Variants in BMP7 observed in about 807,000 individuals in gnomAD.
The protein encoded by BMP7 is bone morphogenetic protein 7.
BMP7 carries 12 observed loss-of-function variants against 41.2 expected under a neutral mutation model. That is an observed-to-expected ratio of 0.29 (90% CI 0.19 to 0.47). BMP7 has a LOEUF of 0.47. Among genes scored for constraint, BMP7 ranks in the 20% least tolerant of loss-of-function variants. The probability of loss-of-function intolerance (pLI) is 0.99; values close to 1 mark genes in which losing one functional copy is unlikely to be tolerated. For missense variants in BMP7, 467 were observed against 606.0 expected (o/e 0.77, Z 2.41); for synonymous variants, 248 against 250.0 (o/e 0.99, Z 0.07).
intron 2 of BMP7, among the ~76,000 whole-genome samples, chr20:57,219,521 C>T (rs1280921408): frequency 6.6e-6 from 1 of 152,094 alleles, no homozygotes; most frequent in Non-Finnish European, 1.5e-5. Context: ...GTGTCATTGG[C>T]ATCTGGTGGG....
intron 5 of BMP7, 144 bp from the exon 6 acceptor site, chr20:57,173,454 C>A: frequency 1.3e-6 from 1 of 785,384 alleles, no homozygotes; most frequent in Non-Finnish European, 2.2e-6. Flanking sequence ...AGCAGGGGGC[C>A]CAGCAGGGGC....
chr20:57,266,422 C>T lies in BMP7; in HGVS notation c.-300G>A. On this transcript the variant is annotated 5_prime_UTR_variant, in exon 1 of 7. Coordinates refer to ENST00000395863, the MANE Select transcript of BMP7 (RefSeq NM_001719.3). Reference sequence around the variant, plus strand: ...GGCGGGCGCGGGTGGGAGGAGCAGCCAGCAAGCCTAGGAGTCCAGAGAGCC... The same window carrying T: ...GGCGGGCGCGGGTGGGAGGAGCAGCTAGCAAGCCTAGGAGTCCAGAGAGCC... The T allele has an allele frequency of 4.8e-6, 1 of 206,260 alleles. No individual in the cohort carries two copies. Among genetic ancestry groups the T allele is most frequent in the Non-Finnish European group, 9.5e-6 (1 of 104,754 alleles). 12.8% of individuals were successfully genotyped at this position (206,260 alleles called of 1,614,324 possible).
chr20:57,264,249 C>G (rs6099518), intron 1 of BMP7, among the ~76,000 whole-genome samples: 17,297 of 152,174 alleles, frequency 0.11, 2,580 homozygotes, highest in African/African-American at 0.35. Context: ...GCGCTTCCCC[C>G]GCGCCCCCAG....
chr20:57,238,479 C>T (rs1012574640), intron 1 of BMP7, among the ~76,000 whole-genome samples: 5 of 152,064 alleles, frequency 3.3e-5, no homozygotes, highest in African/African-American at 9.7e-5. Context: ...GAAATGAAAT[C>T]GCTGTGTCAC....
At chr20:57,173,455 C>T in intron 5 of BMP7, 145 bp from the exon 6 acceptor site, 1 of 776,230 alleles carries the variant, frequency 1.3e-6, no homozygotes, top group Non-Finnish European at 2.2e-6. Flanking sequence ...GCAGGGGGCC[C>T]AGCAGGGGCA....
At chr20:57,239,962 G>T (rs1487437628) in intron 1 of BMP7, among the ~76,000 whole-genome samples, 1 of 152,172 alleles carries the variant, frequency 6.6e-6, no homozygotes, top group Non-Finnish European at 1.5e-5. Context: ...GATGGGAGGG[G>T]CTGCCATGAA....
chr20:57,173,071 G>A, intron 6 of BMP7, 129 bp downstream of exon 6: 1 of 965,048 alleles, frequency 1.0e-6, no homozygotes. Context: ...GGCGCAAGGG[G>A]CCCCCAAAAG....
chr20:57,261,752 T>A lies in BMP7; in HGVS notation c.418+3953A>T, dbSNP rs957691966. On this transcript the variant is annotated intron_variant, in intron 1 of 6. Transcript: ENST00000395863. The surrounding 1 kb of genome is among the most constrained non-coding windows in gnomAD (Gnocchi z 4.1). Reference sequence around the variant, plus strand: ...TTCCAAATTTTAACACAAGCCAGGTTACAGCTGCAAATGCCTGCAGTCCAC... The same window carrying A: ...TTCCAAATTTTAACACAAGCCAGGTAACAGCTGCAAATGCCTGCAGTCCAC... Among the ~76,000 whole-genome samples the A allele has an allele frequency of 3.3e-5, 5 of 152,198 alleles. No homozygotes were observed. The highest frequency in any genetic ancestry group is 1.2e-4 in the African/African-American group (5 of 41,440).
Position 57,173,190 on chromosome 20 carries a change from T to G in BMP7, c.1146+10A>C. On this transcript the variant is annotated intron_variant, in intron 6 of 6. Transcript: ENST00000395863. ...CAGGTGACCACACCCCAAGATGGCG[T>G]GACACCCACCAGCGTCTGCACGATG... 1 of 1,613,064 alleles carries G rather than the reference T, an allele frequency of 6.2e-7. No individual in the cohort carries two copies. The highest frequency in any genetic ancestry group is 8.5e-7 in the Non-Finnish European group (1 of 1,179,034).
intron 3 of BMP7, among the ~76,000 whole-genome samples, chr20:57,197,314 C>T (rs907997061): frequency 6.6e-6 from 1 of 152,020 alleles, no homozygotes; most frequent in Non-Finnish European, 1.5e-5. Context: ...CTACTGTCTT[C>T]TGAGTGCTTT....
At chr20:57,252,819 G>A (rs1346174704) in intron 1 of BMP7, among the ~76,000 whole-genome samples, 1 of 152,170 alleles carries the variant, frequency 6.6e-6, no homozygotes, top group Non-Finnish European at 1.5e-5. Context: ...CCAAGGTTGA[G>A]GCAAGTTACT....
chr20:57,248,793 G>C (rs1013859759), intron 1 of BMP7, among the ~76,000 whole-genome samples: 2 of 104,456 alleles, frequency 1.9e-5, no homozygotes, highest in African/African-American at 3.2e-5. Context: ...TTTTTGTTTT[G>C]TTTTGTTTTG....
At chr20:57,216,507 AG>A (rs765062217) in intron 2 of BMP7, among the ~76,000 whole-genome samples, 5 of 146,876 alleles carry the variant, frequency 3.4e-5, no homozygotes, top group East Asian at 4.1e-4. Flanking sequence ...CCTGAGGGCG[AG>A]GGGGCTGTCT....
At position 57,174,228 on chromosome 20, in the gene BMP7, C is replaced by A. The variant is rs918335472; in HGVS notation, c.1035+703G>T. Among the ~76,000 whole-genome samples, 1 of 152,104 alleles carries A rather than the reference C, an allele frequency of 6.6e-6. No individual in the cohort carries two copies. On this transcript the variant is annotated intron_variant, in intron 5 of 6. Transcript: ENST00000395863. This position sits in a 1 kb window ranked among gnomAD's most constrained non-coding sequence, Gnocchi z 4.3. The stretch of plus-strand genomic sequence containing the variant: ...TTGCCCTGATGACCTCATGACAATA[C>A]CCTCTCCAGGGATATTTGAGCCCCA...
chr20:57,250,604 C>T (rs1285954121), intron 1 of BMP7, among the ~76,000 whole-genome samples: 4 of 149,148 alleles, frequency 2.7e-5, no homozygotes. Context: ...CACAGAAATG[C>T]CACCCCACTA....
At chr20:57,225,088 G>A (rs1431052077) in intron 2 of BMP7, among the ~76,000 whole-genome samples, 1 of 152,240 alleles carries the variant, frequency 6.6e-6, no homozygotes, top group Non-Finnish European at 1.5e-5. Flanking sequence ...CACATGGCGG[G>A]GACAGCAGGG....
chr20:57,198,456 C>T (rs1003071769), intron 3 of BMP7, among the ~76,000 whole-genome samples: 6 of 152,180 alleles, frequency 3.9e-5, no homozygotes, highest in African/African-American at 1.4e-4. Flanking sequence ...GTAGCACCAG[C>T]CCATCCCCAG....
At chr20:57,181,769 G>T (rs1984087700) in intron 4 of BMP7, among the ~76,000 whole-genome samples, 1 of 152,134 alleles carries the variant, frequency 6.6e-6, no homozygotes, top group South Asian at 2.1e-4. Context: ...ACCCCTCTGT[G>T]CTCTGTGCTT....
In BMP7 at chr20:57,265,832, C is replaced by G. The variant is rs761126812; in HGVS notation, c.291G>C (p.Gly97=). 28 of 1,606,338 alleles carry G rather than the reference C, an allele frequency of 1.7e-5. No individual in the cohort carries two copies. The highest frequency in any genetic ancestry group is 2.1e-5 in the Non-Finnish European group (25 of 1,176,980). ...YNAMAVEEGG[G]PGGQGFSYPY... is the part of the protein sequence containing the mutation. ...GGTAGGAGAAGCCCTGGCCGCCGGGCCCGCCGCCCTCCTCCACCGCCATGG... is the reference window on the plus strand; with the variant it reads ...GGTAGGAGAAGCCCTGGCCGCCGGGGCCGCCGCCCTCCTCCACCGCCATGG... The change falls in exon 1 of 7, where the codon GGG becomes GGC. Residue 97 remains glycine (G), a synonymous_variant. Transcript: ENST00000395863.
Sources: gnomAD v4.1 joint callset for allele counts (sites outside exome capture counted in the v4.1 genomes callset) on GRCh38, gnomAD v4.1.1 for gene constraint, Gnocchi (gnomAD v3.1) non-coding constraint, MANE v1.5 for transcripts, NCBI Gene and HGNC (gene_info 2026-07-23, HGNC 2026-07-21) for gene names.